Variants in GALNT2 observed in about 807,000 individuals in gnomAD.
GALNT2 encodes polypeptide N-acetylgalactosaminyltransferase 2.
GALNT2 carries 31 observed loss-of-function variants against 81.4 expected under a neutral mutation model. The ratio of observed to expected loss-of-function variants is 0.38; its 90% CI spans 0.29 to 0.51. GALNT2 has a LOEUF of 0.51. Ranked by LOEUF, GALNT2 falls within the 20% of genes least tolerant of loss-of-function variation. The pLI is 0.87. For missense variants in GALNT2, 629 were observed against 765.7 expected (o/e 0.82, Z 2.11); for synonymous variants, 303 against 287.4 (o/e 1.05, Z -0.55).
At chr1:230,178,670 C>G (rs1371707688) in intron 2 of GALNT2, among the ~76,000 whole-genome samples, 23 of 152,088 alleles carry the variant, frequency 1.5e-4, no homozygotes, top group Admixed American at 1.5e-3. Context: ...TGTATACCTC[C>G]TGCACCCCCA....
At chr1:230,263,768 T>C (rs1357248343) in intron 13 of GALNT2, 1 of 152,206 alleles carries the variant, frequency 6.6e-6, no homozygotes, top group Non-Finnish European at 1.5e-5. Context: ...ATTCTAAATA[T>C]TCCCAGAGCA....
chr1:230,104,096 C>G (rs1660474476), intron 1 of GALNT2, among the ~76,000 whole-genome samples: 1 of 152,190 alleles, frequency 6.6e-6, no homozygotes, highest in Non-Finnish European at 1.5e-5. Flanking sequence ...CATTTTCCCT[C>G]TAACTCCTGA....
intron 1 of GALNT2, among the ~76,000 whole-genome samples, chr1:230,100,174 T>C (rs1306136526): frequency 5.3e-5 from 8 of 152,184 alleles, no homozygotes. Flanking sequence ...GCTTAAACAC[T>C]CTATGTTTTC....
At chr1:230,129,789 T>C (rs1011739531) in intron 1 of GALNT2, among the ~76,000 whole-genome samples, 1 of 152,216 alleles carries the variant, frequency 6.6e-6, no homozygotes, top group Non-Finnish European at 1.5e-5. Context: ...TGGCCGAGTG[T>C]CCTTCTGCTG....
chr1:230,229,119 A>G (rs1664799312), intron 3 of GALNT2, among the ~76,000 whole-genome samples: 1 of 152,238 alleles, frequency 6.6e-6, no homozygotes, highest in African/African-American at 2.4e-5. Flanking sequence ...TTGAAAACTC[A>G]AAATTAAAAC....
chr1:230,095,007 G>A (rs1008600298), intron 1 of GALNT2, among the ~76,000 whole-genome samples: 1 of 152,174 alleles, frequency 6.6e-6, no homozygotes, highest in Non-Finnish European at 1.5e-5. Context: ...GTAGTTCACG[G>A]TCACAGGACT....
At position 230,264,029 on chromosome 1, in the gene GALNT2, G is replaced by A. The variant is rs1264317406; in HGVS notation, c.1313+1024G>A. On this transcript the variant is annotated intron_variant, in intron 13 of 15. Coordinates refer to ENST00000366672, the MANE Select transcript of GALNT2 (RefSeq NM_004481.5). ...GGAGGAGAACAGGAGAGAACACAGCGTCCTTCTCCCTCGGATCCCTGCCGT... is the reference window on the plus strand; with the variant it reads ...GGAGGAGAACAGGAGAGAACACAGCATCCTTCTCCCTCGGATCCCTGCCGT... 7 of 152,334 alleles carry A rather than the reference G, an allele frequency of 4.6e-5. No individual in the cohort carries two copies. In the East Asian group the frequency reaches 7.7e-4, roughly 17 times the overall value. The allele number at this position is 152,334 out of a possible 1,614,324, so 9.4% of individuals were successfully genotyped here. A position where few individuals can be genotyped will look rare whatever the true frequency, so the allele number is the denominator to read the frequency against.
chr1:230,212,555 C>T (rs1258252491), intron 3 of GALNT2, among the ~76,000 whole-genome samples: 4 of 152,148 alleles, frequency 2.6e-5, no homozygotes. Flanking sequence ...ACATCTCTGC[C>T]TGTCAGTGTG....
chr1:230,184,518 C>A (rs1437512134), intron 2 of GALNT2, among the ~76,000 whole-genome samples: 1 of 151,962 alleles, frequency 6.6e-6, no homozygotes, highest in Non-Finnish European at 1.5e-5. Context: ...GTACAGAATT[C>A]TAGGTGGTCA....
chr1:230,074,752 T>C (rs140633898), intron 1 of GALNT2, among the ~76,000 whole-genome samples: 1 of 152,360 alleles, frequency 6.6e-6, no homozygotes, highest in Non-Finnish European at 1.5e-5. Context: ...TCACTGTGCA[T>C]AGAAATAAAA....
At chr1:230,208,217 A>C (rs769607315) in intron 3 of GALNT2, among the ~76,000 whole-genome samples, 4 of 152,312 alleles carry the variant, frequency 2.6e-5, no homozygotes, top group South Asian at 2.1e-4. Flanking sequence ...CTGTCCAGGC[A>C]GAAGGTAATG....
intron 1 of GALNT2, among the ~76,000 whole-genome samples, chr1:230,089,114 T>TA (rs1659983156): frequency 6.6e-6 from 1 of 152,068 alleles, no homozygotes; most frequent in Non-Finnish European, 1.5e-5. Flanking sequence ...GTAAAATACA[T>TA]ATAACAAAAC....
chr1:230,252,509 T>A (rs2102750386), intron 10 of GALNT2, among the ~76,000 whole-genome samples: 1 of 152,300 alleles, frequency 6.6e-6, no homozygotes, highest in South Asian at 2.1e-4. Flanking sequence ...AATCATCTGT[T>A]TGTGCTTTCT....
intron 1 of GALNT2, among the ~76,000 whole-genome samples, chr1:230,156,215 G>GAGAGAGAGAGAGAGAA (rs1458179249): frequency 4.2e-5 from 6 of 143,060 alleles, no homozygotes; most frequent in African/African-American, 1.6e-4. Flanking sequence ...ACGAGGGAGA[G>GAGAGAGAGAGAGAGAA]AGAGAGAGAG....
At chr1:230,092,039 TGTA>T (rs1660099755) in intron 1 of GALNT2, 1 of 152,238 alleles carries the variant, frequency 6.6e-6, no homozygotes, top group Admixed American at 6.5e-5. Context: ...AAAAAGCTTA[TGTA>T]GTTTCTGCGT....
chr1:230,117,170 T>C (rs1284844282), intron 1 of GALNT2, among the ~76,000 whole-genome samples: 1 of 152,244 alleles, frequency 6.6e-6, no homozygotes, highest in Admixed American at 6.5e-5. Flanking sequence ...CTCTCCTAGC[T>C]TTCAGCTCCT....
chr1:230,193,345 C>T lies in GALNT2; in HGVS notation c.221-9792C>T, dbSNP rs867270468. Among the ~76,000 whole-genome samples the T allele has an allele frequency of 8.5e-5, 13 of 152,172 alleles. No homozygotes were observed. The highest frequency in any genetic ancestry group is 1.6e-4 in the Non-Finnish European group (11 of 68,024). On this transcript the variant is annotated intron_variant, in intron 2 of 15. Transcript: ENST00000366672. This position sits in a 1 kb window ranked among gnomAD's most constrained non-coding sequence, Gnocchi z 4.3. ...TACCTCCCCTCCCCTTGTACACCTG[C>T]GGGTGGTAGATGACAGCTCTTTGCC...
At chr1:230,197,377 C>T (rs1558135374) in intron 2 of GALNT2, among the ~76,000 whole-genome samples, 2 of 152,118 alleles carry the variant, frequency 1.3e-5, no homozygotes, top group Non-Finnish European at 2.9e-5. Flanking sequence ...GGGCAGTGCC[C>T]ACAGGACCCC....
chr1:230,256,610 A>G (rs2102754450), intron 11 of GALNT2, among the ~76,000 whole-genome samples: 1 of 152,268 alleles, frequency 6.6e-6, no homozygotes, highest in Non-Finnish European at 1.5e-5. Flanking sequence ...ACGATTCTTG[A>G]TGGAGAGTAG....
Sources: gnomAD v4.1 joint callset for allele counts (sites outside exome capture counted in the v4.1 genomes callset) on GRCh38, gnomAD v4.1.1 for gene constraint, Gnocchi (gnomAD v3.1) non-coding constraint, MANE v1.5 for transcripts, NCBI Gene and HGNC (gene_info 2026-07-23, HGNC 2026-07-21) for gene names.